Variants in MTUS2 observed in about 807,000 individuals in gnomAD.
The protein encoded by MTUS2 is microtubule-associated tumor suppressor candidate 2.
Under a neutral mutation model 114.1 loss-of-function variants are expected in MTUS2, and 40 were observed. That is an observed-to-expected ratio of 0.35 (90% CI 0.27 to 0.46). The LOEUF is 0.46. MTUS2 is among the 20% of genes least tolerant of loss of function. MTUS2 has a pLI of 1.00. For synonymous variants in MTUS2, 688 were observed against 672.0 expected (o/e 1.02, Z -0.37); for missense variants, 1,679 against 1,705.4 (o/e 0.98, Z 0.27).
At chr13:29,031,204 C>T (rs546780546) in intron 3 of MTUS2, among the ~76,000 whole-genome samples, 2 of 129,988 alleles carry the variant, frequency 1.5e-5, no homozygotes, top group African/African-American at 2.7e-5. Flanking sequence ...GGCACTGCAT[C>T]GATTGGGGTT....
intron 2 of MTUS2, among the ~76,000 whole-genome samples, chr13:28,954,895 A>G (rs974742185): frequency 1.3e-5 from 2 of 152,148 alleles, no homozygotes; most frequent in South Asian, 2.1e-4. Flanking sequence ...AAGTCTCTTC[A>G]TAACCATGAC....
intron 4 of MTUS2, among the ~76,000 whole-genome samples, chr13:29,095,238 A>T (rs1890127972): frequency 6.6e-6 from 1 of 152,102 alleles, no homozygotes; most frequent in Non-Finnish European, 1.5e-5. Context: ...TATTATTGAA[A>T]GTGAGGTATT....
At chr13:29,033,516 C>T (rs1307925601) in intron 3 of MTUS2, among the ~76,000 whole-genome samples, 1 of 152,090 alleles carries the variant, frequency 6.6e-6, no homozygotes, top group African/African-American at 2.4e-5. Context: ...TATAATAAAA[C>T]TTTCATAATT....
At chr13:29,500,849 T>C (rs1471832953) in intron 14 of MTUS2, among the ~76,000 whole-genome samples, 4 of 151,112 alleles carry the variant, frequency 2.6e-5, no homozygotes, top group Admixed American at 2.0e-4. Context: ...ATACATAATA[T>C]ATATAAAATA....
At chr13:29,319,669 T>C (rs529428663) in intron 6 of MTUS2, among the ~76,000 whole-genome samples, 315 of 152,236 alleles carry the variant, frequency 2.1e-3, no homozygotes, top group African/African-American at 7.1e-3. Context: ...GCCGCTACTC[T>C]GACCACATGA....
chr13:28,967,905 G>A (rs1051494940), intron 2 of MTUS2, among the ~76,000 whole-genome samples: 11 of 152,100 alleles, frequency 7.2e-5, no homozygotes, highest in African/African-American at 2.4e-4. Context: ...ATGTATGAAC[G>A]TGAAAATGTT....
chr13:28,847,896 G>A (rs1875995648), intron 2 of MTUS2, among the ~76,000 whole-genome samples: 2 of 152,220 alleles, frequency 1.3e-5, no homozygotes, highest in African/African-American at 4.8e-5. Flanking sequence ...GAGCGGGAAG[G>A]AGGGGAGTAG....
intron 2 of MTUS2, among the ~76,000 whole-genome samples, chr13:28,905,064 T>C (rs1879903297): frequency 6.6e-6 from 1 of 151,232 alleles, no homozygotes. Flanking sequence ...TTGCCTGTTA[T>C]TGGTTTATAA....
At chr13:29,398,440 C>CAACA (rs749481316) in intron 8 of MTUS2, among the ~76,000 whole-genome samples, 6 of 136,718 alleles carry the variant, frequency 4.4e-5, no homozygotes, top group Non-Finnish European at 9.2e-5. Flanking sequence ...CCAGCCTGGG[C>CAACA]AACAGAGTGA....
chr13:29,302,633 A>G (rs1899256453), intron 6 of MTUS2, among the ~76,000 whole-genome samples: 1 of 152,200 alleles, frequency 6.6e-6, no homozygotes, highest in Non-Finnish European at 1.5e-5. Context: ...TCAGCCCAGC[A>G]CTGGGTTGGA....
chr13:29,038,420 C>T (rs1212278094), intron 4 of MTUS2, among the ~76,000 whole-genome samples: 1 of 152,176 alleles, frequency 6.6e-6, no homozygotes, highest in Non-Finnish European at 1.5e-5. Flanking sequence ...GAAGCTTTGT[C>T]CCAGAGGGTC....
chr13:29,030,834 G>A (rs1886782487), intron 3 of MTUS2, among the ~76,000 whole-genome samples: 1 of 152,126 alleles, frequency 6.6e-6, no homozygotes, highest in Non-Finnish European at 1.5e-5. Context: ...AGCATGGGTA[G>A]AAGTGGAAAA....
chr13:29,145,255 C>T (rs1892383953), intron 5 of MTUS2, among the ~76,000 whole-genome samples: 1 of 152,096 alleles, frequency 6.6e-6, no homozygotes, highest in Non-Finnish European at 1.5e-5. Context: ...GACACAGTGG[C>T]TCACTCCTGT....
At chr13:29,347,480 A>G (rs891910275) in intron 7 of MTUS2, among the ~76,000 whole-genome samples, 3 of 151,932 alleles carry the variant, frequency 2.0e-5, no homozygotes, top group Admixed American at 6.6e-5. Context: ...CCTTTCTGTT[A>G]TTGATCTCTA....
intron 2 of MTUS2, among the ~76,000 whole-genome samples, chr13:28,926,941 C>T (rs536770066): frequency 1.3e-5 from 2 of 151,928 alleles, no homozygotes; most frequent in African/African-American, 2.4e-5. Flanking sequence ...TGTGTTTGTT[C>T]TTGGATTTTT....
At chr13:28,928,017 T>C (rs1881415923) in intron 2 of MTUS2, among the ~76,000 whole-genome samples, 2 of 151,772 alleles carry the variant, frequency 1.3e-5, no homozygotes, top group Admixed American at 1.3e-4. Flanking sequence ...AATAGGGAAA[T>C]AAATGGTGCT....
intron 2 of MTUS2, among the ~76,000 whole-genome samples, chr13:28,931,856 G>C (rs1289502612): frequency 6.6e-6 from 1 of 152,030 alleles, no homozygotes; most frequent in South Asian, 2.1e-4. Context: ...AGTCCCCGTT[G>C]TGTGATGTTC....
intron 9 of MTUS2, among the ~76,000 whole-genome samples, chr13:29,452,715 A>G (rs1157820764): frequency 6.6e-6 from 1 of 151,920 alleles, no homozygotes; most frequent in Non-Finnish European, 1.5e-5. Flanking sequence ...AAGTGCTGGG[A>G]TTACAGATGT....
intron 9 of MTUS2, among the ~76,000 whole-genome samples, chr13:29,473,346 C>G (rs1403468924): frequency 1.3e-5 from 2 of 152,158 alleles, no homozygotes; most frequent in Non-Finnish European, 2.9e-5. Context: ...TTTGGAAAAC[C>G]AATGTAAAGT....
Sources: gnomAD v4.1 joint callset for allele counts (sites outside exome capture counted in the v4.1 genomes callset) on GRCh38, gnomAD v4.1.1 for gene constraint, MANE v1.5 for transcripts, NCBI Gene and HGNC (gene_info 2026-07-23, HGNC 2026-07-21) for gene names.